The following GREM2 variants were observed in gnomAD, a reference collection of about 807,000 sequenced individuals.
GREM2 encodes the protein gremlin-2.
A neutral mutation model predicts 14.2 loss-of-function variants in GREM2; 11 were observed. The observed-to-expected ratio is 0.78, with a 90% confidence interval of 0.49 to 1.28. The LOEUF (loss-of-function observed/expected upper bound fraction) is 1.28. Among genes scored for constraint, GREM2 ranks in the 50% most tolerant of loss-of-function variants. GREM2 has a pLI of 0.00. For missense variants in GREM2, 210 were observed against 218.5 expected (o/e 0.96, Z 0.24); for synonymous variants, 98 against 97.6 (o/e 1.00, Z -0.02).
At chr1:240,574,985 T>A (rs372428513) in intron 1 of GREM2, among the ~76,000 whole-genome samples, 21 of 152,080 alleles carry the variant, frequency 1.4e-4, no homozygotes, top group African/African-American at 4.8e-4. Context: ...CGTGCGCCTG[T>A]ACTCCCAGGT....
At chr1:240,511,686 G>A (rs900127377) in intron 1 of GREM2, among the ~76,000 whole-genome samples, 1 of 152,178 alleles carries the variant, frequency 6.6e-6, no homozygotes, top group Non-Finnish European at 1.5e-5. Flanking sequence ...CTGAGAGGTG[G>A]AGTTTGCGGT....
chr1:240,539,530 AG>A (rs1678543156), intron 1 of GREM2, among the ~76,000 whole-genome samples: 1 of 152,190 alleles, frequency 6.6e-6, no homozygotes, highest in African/African-American at 2.4e-5. Flanking sequence ...TCAGAACATC[AG>A]GCTTCTTAAC....
intron 1 of GREM2, among the ~76,000 whole-genome samples, chr1:240,563,065 GTA>G (rs753554287): frequency 2.6e-4 from 39 of 150,246 alleles, no homozygotes; most frequent in Non-Finnish European, 3.7e-4. Context: ...TAGTGAGTGT[GTA>G]TGTGTGTATA....
intron 1 of GREM2, among the ~76,000 whole-genome samples, chr1:240,591,088 C>T (rs1032211960): frequency 3.3e-5 from 5 of 152,150 alleles, no homozygotes; most frequent in East Asian, 1.9e-4. Flanking sequence ...CCAGAAATGA[C>T]TTCTTAACTG....
At chr1:240,523,166 C>G (rs1385011243) in intron 1 of GREM2, among the ~76,000 whole-genome samples, 1 of 152,164 alleles carries the variant, frequency 6.6e-6, no homozygotes, top group Non-Finnish European at 1.5e-5. Context: ...GATCTCAGCT[C>G]ACTGCAACCT....
At chr1:240,600,561 A>G (rs1457623614) in intron 1 of GREM2, among the ~76,000 whole-genome samples, 1 of 151,836 alleles carries the variant, frequency 6.6e-6, no homozygotes, top group East Asian at 1.9e-4. Context: ...TCGGCTCACT[A>G]CAACCTCCAC....
chr1:240,537,462 A>T (rs895745537), intron 1 of GREM2, among the ~76,000 whole-genome samples: 1 of 152,134 alleles, frequency 6.6e-6, no homozygotes, highest in Non-Finnish European at 1.5e-5. Flanking sequence ...CTGACAAAAA[A>T]AGAGGGGGAA....
chr1:240,559,599 C>T lies in GREM2; in HGVS notation c.-2+52285G>A, dbSNP rs532424943. 3.2e-4 allele frequency among the ~76,000 whole-genome samples: 48 copies of T among 152,286 alleles called. No homozygotes were observed. In the South Asian group the frequency reaches 4.3e-3, roughly 14 times the overall value. Reference sequence around the variant, plus strand: ...CCTTAGGTGATCCACCCATCTCGGCCTCCCAAAGTCCTGGGATTACAGGCC... The same window carrying T: ...CCTTAGGTGATCCACCCATCTCGGCTTCCCAAAGTCCTGGGATTACAGGCC... On this transcript the variant is annotated intron_variant, in intron 1 of 1. Transcript: ENST00000318160.
In GREM2 at chr1:240,542,015, G is replaced by A. The variant is rs1205140455; in HGVS notation, c.-1-48539C>T. Among the ~76,000 whole-genome samples the A allele has an allele frequency of 6.6e-6, 1 of 152,084 alleles. No homozygotes were observed. The highest frequency in any genetic ancestry group is 1.5e-5 in the Non-Finnish European group (1 of 68,016). ...TTGATGACATTAATGGTTTTAAACT[G>A]GTTGTGATTTTGCCCCTCAGGGGAC... On this transcript the variant is annotated intron_variant, in intron 1 of 1. Coordinates refer to ENST00000318160, the MANE Select transcript of GREM2 (RefSeq NM_022469.4). This position sits in a 1 kb window ranked among gnomAD's most constrained non-coding sequence, Gnocchi z 4.1.
intron 1 of GREM2, among the ~76,000 whole-genome samples, chr1:240,501,421 G>A (rs867152774): frequency 1.3e-5 from 2 of 152,118 alleles, no homozygotes; most frequent in African/African-American, 4.8e-5. Context: ...TTCTTAAAAA[G>A]GTTTTCAACA....
chr1:240,526,636 A>AC (rs1204795425), intron 1 of GREM2, among the ~76,000 whole-genome samples: 1 of 151,970 alleles, frequency 6.6e-6, no homozygotes, highest in Non-Finnish European at 1.5e-5. Flanking sequence ...GCACTCTCTG[A>AC]CCCCCATCTG....
intron 1 of GREM2, among the ~76,000 whole-genome samples, chr1:240,532,730 C>T (rs1235792664): frequency 6.6e-6 from 1 of 152,030 alleles, no homozygotes; most frequent in Non-Finnish European, 1.5e-5. Flanking sequence ...ATCATCATCA[C>T]CATCACCATT....
Position 240,542,433 on chromosome 1 carries a change from C to T in GREM2, c.-1-48957G>A, listed in dbSNP as rs184464563. Among the ~76,000 whole-genome samples, 25 of 144,810 alleles carry T rather than the reference C, an allele frequency of 1.7e-4. No individual in the cohort carries two copies. The highest frequency in any genetic ancestry group is 1.1e-3 in the Admixed American group (16 of 14,250). On this transcript the variant is annotated intron_variant, in intron 1 of 1. Coordinates refer to ENST00000318160, the MANE Select transcript of GREM2 (RefSeq NM_022469.4). The surrounding 1 kb of genome is among the most constrained non-coding windows in gnomAD (Gnocchi z 4.1). Reference sequence around the variant, plus strand: ...CAGCCTGGCCAACATGGCGAAACCCCCATCTCTACTAAAAAAAAAAAAAAA... The same window carrying T: ...CAGCCTGGCCAACATGGCGAAACCCTCATCTCTACTAAAAAAAAAAAAAAA...
rs1049875036 is a variant in GREM2, at chr1:240,558,791, A to G, written c.-2+53093T>C. Among the ~76,000 whole-genome samples the G allele has an allele frequency of 4.6e-5, 7 of 152,022 alleles. 1 individual carries two copies. In the East Asian group the frequency reaches 7.7e-4, roughly 17 times the overall value. On this transcript the variant is annotated intron_variant, in intron 1 of 1. Transcript: ENST00000318160. Reference sequence around the variant, plus strand: ...ATATTGGGAATGAAAACTGAAAACAATTTTAAATATTTATTTATTTATTTT... The same window carrying G: ...ATATTGGGAATGAAAACTGAAAACAGTTTTAAATATTTATTTATTTATTTT...
At chr1:240,546,692 A>C (rs1482982644) in intron 1 of GREM2, among the ~76,000 whole-genome samples, 1 of 152,232 alleles carries the variant, frequency 6.6e-6, no homozygotes, top group Non-Finnish European at 1.5e-5. Flanking sequence ...AGTTTTAAAA[A>C]TATACTGCAA....
chr1:240,582,340 C>T (rs1170049476), intron 1 of GREM2, among the ~76,000 whole-genome samples: 1 of 152,148 alleles, frequency 6.6e-6, no homozygotes, highest in Non-Finnish European at 1.5e-5. Flanking sequence ...GAGGCTGAGG[C>T]AGGAGAATCA....
chr1:240,495,641 C>A (rs1284231223), intron 1 of GREM2, among the ~76,000 whole-genome samples: 1 of 152,162 alleles, frequency 6.6e-6, no homozygotes, highest in Non-Finnish European at 1.5e-5. Flanking sequence ...GACAGGCTGC[C>A]AAGATTCTAT....
chr1:240,554,081 C>T (rs1352281923), intron 1 of GREM2, among the ~76,000 whole-genome samples: 1 of 152,082 alleles, frequency 6.6e-6, no homozygotes, highest in East Asian at 1.9e-4. Flanking sequence ...CTGCATCATT[C>T]TGTTTTCCTC....
At chr1:240,573,634 T>C (rs1679302403) in intron 1 of GREM2, among the ~76,000 whole-genome samples, 1 of 152,224 alleles carries the variant, frequency 6.6e-6, no homozygotes. Flanking sequence ...AATTCCAGCC[T>C]AATTTGAAGT....
Sources: allele counts gnomAD v4.1 joint callset (sites outside exome capture counted in the v4.1 genomes callset), GRCh38; gene constraint gnomAD v4.1.1; non-coding constraint Gnocchi (gnomAD v3.1); transcripts MANE v1.5; gene names NCBI Gene and HGNC (gene_info 2026-07-23, HGNC 2026-07-21).